The following SLC9A4 variants were observed in gnomAD, a reference collection of about 807,000 sequenced individuals.
SLC9A4 encodes sodium/hydrogen exchanger 4.
SLC9A4 carries 63 observed loss-of-function variants against 67.4 expected under a neutral mutation model. The observed-to-expected ratio is 0.93, with a 90% CI of 0.76 to 1.15. The LOEUF (loss-of-function observed/expected upper bound fraction) is 1.15. SLC9A4 is among the 50% of genes most tolerant of loss of function. The probability of loss-of-function intolerance (pLI) is 0.00; values close to 1 mark genes in which losing one functional copy is unlikely to be tolerated. For synonymous variants in SLC9A4, 393 were observed against 367.2 expected, an observed-to-expected ratio of 1.07 and a Z score of -0.80; for missense variants, 1,089 against 987.7, an observed-to-expected ratio of 1.10 and a Z score of -1.38.
chr2:102,503,730 G>A (rs777959307), intron 3 of SLC9A4, 23 bp downstream of exon 3: 1 of 1,609,758 alleles, frequency 6.2e-7, no homozygotes, highest in South Asian at 1.1e-5. Context: ...CAAGGATCAA[G>A]TCACATAGTA....
intron 2 of SLC9A4, among the ~76,000 whole-genome samples, chr2:102,483,302 T>C (rs1029647201): frequency 3.2e-4 from 48 of 152,108 alleles, no homozygotes; most frequent in African/African-American, 9.4e-4. Context: ...CCCAGGGCCA[T>C]ATTTAGAACA....
chr2:102,523,422 G>A (rs1043522600), intron 9 of SLC9A4, among the ~76,000 whole-genome samples: 6 of 152,160 alleles, frequency 3.9e-5, no homozygotes, highest in African/African-American at 1.4e-4. Flanking sequence ...CGATGAAACC[G>A]ATGAGGATGC....
chr2:102,528,297 CGAGTCT>C (rs1674706325), intron 11 of SLC9A4, among the ~76,000 whole-genome samples: 1 of 152,074 alleles, frequency 6.6e-6, no homozygotes, highest in Non-Finnish European at 1.5e-5. Flanking sequence ...CGTGAGCCAC[CGAGTCT>C]GGTCGATAGT....
At chr2:102,523,523 A>T (rs1674593887) in intron 9 of SLC9A4, among the ~76,000 whole-genome samples, 1 of 152,206 alleles carries the variant, frequency 6.6e-6, no homozygotes, top group Admixed American at 6.5e-5. Flanking sequence ...AATAGAGCTT[A>T]ATCTGTTTTG....
At chr2:102,523,889 C>A (rs1286181762) in intron 9 of SLC9A4, among the ~76,000 whole-genome samples, 1 of 152,196 alleles carries the variant, frequency 6.6e-6, no homozygotes, top group East Asian at 1.9e-4. Flanking sequence ...CCCAGGATAA[C>A]ACTCACTCAT....
At chr2:102,528,591 T>A (rs749376076) in intron 11 of SLC9A4, among the ~76,000 whole-genome samples, 2 of 152,144 alleles carry the variant, frequency 1.3e-5, no homozygotes, top group Non-Finnish European at 2.9e-5. Context: ...GAGATGAGCA[T>A]CAATACTGCA....
intron 2 of SLC9A4, among the ~76,000 whole-genome samples, chr2:102,494,669 A>G (rs920478467): frequency 6.6e-6 from 1 of 152,112 alleles, no homozygotes; most frequent in African/African-American, 2.4e-5. Context: ...AACAATAAGC[A>G]TAAGAATGTT....
chr2:102,513,467 T>G (rs1685208153), intron 7 of SLC9A4, among the ~76,000 whole-genome samples: 1 of 152,260 alleles, frequency 6.6e-6, no homozygotes, highest in African/African-American at 2.4e-5. Context: ...CGCAGCTCAG[T>G]CGAATGGGCT....
chr2:102,519,983 C>T, intron 9 of SLC9A4, 28 bp downstream of exon 9: 1 of 1,598,632 alleles, frequency 6.3e-7, no homozygotes, highest in Middle Eastern at 1.7e-4. Context: ...GTGTTGTCCC[C>T]ATTTTCTGTC....
intron 6 of SLC9A4, among the ~76,000 whole-genome samples, chr2:102,511,362 C>T (rs574317553): frequency 8.5e-5 from 13 of 152,126 alleles, no homozygotes; most frequent in East Asian, 5.8e-4. Context: ...TTTATTATTT[C>T]GACATATTGC....
chr2:102,508,787 C>T, intron 5 of SLC9A4, 60 bp from the exon 6 acceptor site: 1 of 1,292,838 alleles, frequency 7.7e-7, no homozygotes, highest in African/African-American at 1.5e-5. Context: ...AATAAATTTG[C>T]TCTCTCTAGT....
intron 2 of SLC9A4, among the ~76,000 whole-genome samples, chr2:102,490,117 A>T (rs1684665868): frequency 6.6e-6 from 1 of 151,694 alleles, no homozygotes; most frequent in South Asian, 2.1e-4. Flanking sequence ...TTAACTTGAC[A>T]GTAAAACAAA....
At chr2:102,497,184 C>T (rs947620315) in intron 2 of SLC9A4, among the ~76,000 whole-genome samples, 3 of 152,218 alleles carry the variant, frequency 2.0e-5, no homozygotes, top group South Asian at 2.1e-4. Flanking sequence ...GCATCTGCCT[C>T]GGCCTCCCAA....
Position 102,478,736 on chromosome 2 carries a change from C to T in SLC9A4, c.257-103C>T, listed in dbSNP as rs1305206009. The T allele has an allele frequency of 6.2e-6, 7 of 1,135,050 alleles. No individual in the cohort carries two copies. In the African/African-American group the frequency reaches 6.3e-5, roughly 10 times the overall value. 70.3% of individuals were successfully genotyped at this position (1,135,050 alleles called of 1,614,324 possible). A position where few individuals can be genotyped will look rare whatever the true frequency, so the allele number is the denominator to read the frequency against. On this transcript the variant is annotated intron_variant, in intron 1 of 11. Coordinates refer to ENST00000295269, the MANE Select transcript of SLC9A4 (RefSeq NM_001011552.4). ...AGATGGGACGCTGAGGCTGAGATGCCAGTCAGCTTGTCCACGGTCCTGTCT... is the reference window on the plus strand; with the variant it reads ...AGATGGGACGCTGAGGCTGAGATGCTAGTCAGCTTGTCCACGGTCCTGTCT...
At chr2:102,502,688 C>T (rs541021623) in intron 2 of SLC9A4, among the ~76,000 whole-genome samples, 6 of 152,288 alleles carry the variant, frequency 3.9e-5, no homozygotes, top group East Asian at 3.9e-4. Context: ...GACCACCCTC[C>T]GGAAGGCAGG....
intron 1 of SLC9A4, among the ~76,000 whole-genome samples, chr2:102,478,510 G>A (rs1423751142): frequency 1.5e-4 from 23 of 152,146 alleles, no homozygotes; most frequent in Non-Finnish European, 1.5e-5. Context: ...TTGAAAGCTG[G>A]GCTTGCACGA....
chr2:102,515,374 A>G (rs1341780626), intron 8 of SLC9A4, among the ~76,000 whole-genome samples: 1 of 149,292 alleles, frequency 6.7e-6, no homozygotes, highest in Non-Finnish European at 1.5e-5. Context: ...AGTCACTAAG[A>G]AATAAGGCAG....
Position 102,473,653 on chromosome 2 carries a change from A to T in SLC9A4, c.-107A>T, listed in dbSNP as rs771191956. ...TTGGGAGGACCCACAGACTGTACCT[A>T]TATTACTTTTGACCCAGGTGGATGC... On this transcript the variant is annotated 5_prime_UTR_variant, in exon 1 of 12. Coordinates refer to ENST00000295269, the MANE Select transcript of SLC9A4 (RefSeq NM_001011552.4). 2.2e-6 allele frequency: 3 copies of T among 1,385,240 alleles called. No homozygotes were observed. Among genetic ancestry groups the T allele is most frequent in the Non-Finnish European group, 3.0e-6 (3 of 1,016,364 alleles). 85.8% of individuals were successfully genotyped at this position (1,385,240 alleles called of 1,614,324 possible). A position where few individuals can be genotyped will look rare whatever the true frequency, so the allele number is the denominator to read the frequency against.
At chr2:102,530,187 A>G (rs908865031) in intron 11 of SLC9A4, among the ~76,000 whole-genome samples, 1 of 152,198 alleles carries the variant, frequency 6.6e-6, no homozygotes, top group Non-Finnish European at 1.5e-5. Context: ...TGTATCCTGC[A>G]TCAGGTAGTT....
Sources: gnomAD v4.1 joint callset for allele counts (sites outside exome capture counted in the v4.1 genomes callset) on GRCh38, gnomAD v4.1.1 for gene constraint, MANE v1.5 for transcripts, NCBI Gene and HGNC (gene_info 2026-07-23, HGNC 2026-07-21) for gene names.